Variants in SLC26A5 observed in about 807,000 individuals in gnomAD.
SLC26A5 encodes prestin.
Under a neutral mutation model 81.0 loss-of-function variants are expected in SLC26A5, and 51 were observed. The ratio of observed to expected loss-of-function variants is 0.63; its 90% CI spans 0.50 to 0.80. The LOEUF (loss-of-function observed/expected upper bound fraction) is 0.80. SLC26A5 is among the 30% of genes least tolerant of loss of function. The pLI, the probability that SLC26A5 is intolerant of heterozygous loss-of-function variation, is 0.00. For missense variants in SLC26A5, 771 were observed against 905.8 expected, an observed-to-expected ratio of 0.85 and a Z score of 1.91; for synonymous variants, 325 against 332.8, an observed-to-expected ratio of 0.98 and a Z score of 0.25.
At chr7:103,394,731 C>T (rs186157827) in intron 9 of SLC26A5, among the ~76,000 whole-genome samples, 14 of 152,270 alleles carry the variant, frequency 9.2e-5, no homozygotes, top group Admixed American at 9.2e-4. Context: ...CCAGTCATTC[C>T]TCCCATACTT....
rs572417722 is a variant in SLC26A5 at position 103,437,871 on chromosome 7, G to A, written c.-54+5212C>T. The stretch of plus-strand genomic sequence containing the variant: ...TTTGAGAGCGATTGCACAGCAGGAG[G>A]ACTGTGTGTTTTGTTGGGTCTGCAC... On this transcript the variant is annotated intron_variant, in intron 2 of 19. Coordinates refer to ENST00000306312, the MANE Select transcript of SLC26A5 (RefSeq NM_198999.3). Among the ~76,000 whole-genome samples, 43 of 152,274 alleles carry A rather than the reference G, an allele frequency of 2.8e-4. 1 individual carries two copies. Among genetic ancestry groups the A allele is most frequent in the African/African-American group, 1.0e-3 (42 of 41,560 alleles).
At chr7:103,382,035 T>C (rs1821841413) in intron 14 of SLC26A5, among the ~76,000 whole-genome samples, 1 of 151,920 alleles carries the variant, frequency 6.6e-6, no homozygotes, top group Non-Finnish European at 1.5e-5. Flanking sequence ...ACAAACACGA[T>C]CTGGTCAGGA....
chr7:103,380,915 G>T (rs185205104), intron 14 of SLC26A5, among the ~76,000 whole-genome samples: 2 of 148,054 alleles, frequency 1.4e-5, no homozygotes, highest in Admixed American at 1.3e-4. Flanking sequence ...CACACATACA[G>T]AATACACACA....
At chr7:103,355,230 T>C (rs1225753981) in intron 19 of SLC26A5, among the ~76,000 whole-genome samples, 2 of 152,210 alleles carry the variant, frequency 1.3e-5, no homozygotes, top group Non-Finnish European at 2.9e-5. Context: ...AGTTAACAAG[T>C]CAAAAAACTT....
chr7:103,390,342 C>T, intron 12 of SLC26A5, 87 bp downstream of exon 12: 2 of 1,217,362 alleles, frequency 1.6e-6, no homozygotes, highest in South Asian at 1.2e-5. Flanking sequence ...GTAAATAACC[C>T]TAATATAGCC....
At chr7:103,439,069 T>C (rs546255260) in intron 2 of SLC26A5, among the ~76,000 whole-genome samples, 4 of 152,220 alleles carry the variant, frequency 2.6e-5, no homozygotes, top group Admixed American at 1.3e-4. Flanking sequence ...AAGTTTATTA[T>C]GATTTATTTC....
At chr7:103,405,326 A>G (rs1823955256) in intron 8 of SLC26A5, among the ~76,000 whole-genome samples, 1 of 151,852 alleles carries the variant, frequency 6.6e-6, no homozygotes, top group Admixed American at 6.6e-5. Flanking sequence ...GGATTTATCT[A>G]CCTTTGGTCT....
chr7:103,356,871 T>A (rs564050123), intron 19 of SLC26A5, among the ~76,000 whole-genome samples: 1 of 152,326 alleles, frequency 6.6e-6, no homozygotes, highest in South Asian at 2.1e-4. Context: ...TATTCTCCTC[T>A]GTTTATAATC....
intron 19 of SLC26A5, among the ~76,000 whole-genome samples, chr7:103,354,365 ATTTTTTTTT>A (rs752847513): frequency 1.5e-5 from 2 of 134,538 alleles, no homozygotes; most frequent in Non-Finnish European, 3.2e-5. Context: ...TTCACACACG[ATTTTTTTTT>A]TTTTTTTTTT....
chr7:103,442,467 T>C (rs748886772), intron 2 of SLC26A5, among the ~76,000 whole-genome samples: 2 of 152,150 alleles, frequency 1.3e-5, no homozygotes, highest in Non-Finnish European at 2.9e-5. Context: ...ACGATTGTAT[T>C]CTGGAGGGCC....
intron 19 of SLC26A5, chr7:103,366,244 T>G (rs756469920): frequency 1.7e-4 from 217 of 1,270,052 alleles, no homozygotes; most frequent in Non-Finnish European, 2.2e-4. Flanking sequence ...TATGTTAATC[T>G]TGTACAGAAT....
intron 19 of SLC26A5, chr7:103,366,247 T>A: frequency 8.1e-7 from 1 of 1,231,940 alleles, no homozygotes; most frequent in Non-Finnish European, 1.2e-6. Flanking sequence ...GTTAATCTTG[T>A]ACAGAATTTT....
rs537980668 is a variant in SLC26A5 at position 103,419,014 on chromosome 7, G to A, written c.292+1724C>T. Among the ~76,000 whole-genome samples the A allele has an allele frequency of 2.0e-4, 30 of 152,178 alleles. 1 individual carries two copies. The South Asian group carries it at 6.2e-3, about 32-fold the overall frequency. Reference sequence around the variant, plus strand: ...CATGGGGGCGGGTCTTTCCCATGCTGTCCTCATGATAGTGAATATGTCTCA... The same window carrying A: ...CATGGGGGCGGGTCTTTCCCATGCTATCCTCATGATAGTGAATATGTCTCA... On this transcript the variant is annotated intron_variant, in intron 4 of 19. Transcript: ENST00000306312.
intron 2 of SLC26A5, among the ~76,000 whole-genome samples, chr7:103,431,742 G>C (rs1055597698): frequency 6.6e-6 from 1 of 152,150 alleles, no homozygotes; most frequent in Non-Finnish European, 1.5e-5. Context: ...GTATGAGATA[G>C]TTCTGTGCAT....
At chr7:103,371,365 C>T (rs1463830197), downstream of SLC26A5, among the ~76,000 whole-genome samples, 1 of 150,976 alleles carries the variant, frequency 6.6e-6, no homozygotes, top group Non-Finnish European at 1.5e-5. Flanking sequence ...CGCTCTGTCG[C>T]CCAGGCTGGA....
chr7:103,354,527 T>G (rs1301753430), intron 19 of SLC26A5, among the ~76,000 whole-genome samples: 1 of 151,886 alleles, frequency 6.6e-6, no homozygotes, highest in Non-Finnish European at 1.5e-5. Context: ...CACCACCACG[T>G]CTGGCTAATT....
At chr7:103,406,131 C>T (rs1824028248) in intron 8 of SLC26A5, among the ~76,000 whole-genome samples, 1 of 152,140 alleles carries the variant, frequency 6.6e-6, no homozygotes, top group Non-Finnish European at 1.5e-5. Flanking sequence ...GGGGTGGGAT[C>T]CGCTGAGCTA....
At chr7:103,406,366 T>C (rs1273486997) in intron 8 of SLC26A5, among the ~76,000 whole-genome samples, 2 of 152,154 alleles carry the variant, frequency 1.3e-5, no homozygotes, top group East Asian at 1.9e-4. Flanking sequence ...GAGAAAAGCA[T>C]AGTGTCTGGG....
intron 19 of SLC26A5, among the ~76,000 whole-genome samples, chr7:103,357,764 G>T (rs539668019): frequency 6.6e-6 from 1 of 152,110 alleles, no homozygotes; most frequent in East Asian, 1.9e-4. Flanking sequence ...TTGTTATAAC[G>T]TCTTGTTTTT....
Sources: allele counts gnomAD v4.1 joint callset (sites outside exome capture counted in the v4.1 genomes callset), GRCh38; gene constraint gnomAD v4.1.1; transcripts MANE v1.5; gene names NCBI Gene and HGNC (gene_info 2026-07-23, HGNC 2026-07-21).